Variants in CAST observed in about 807,000 individuals in gnomAD.
CAST encodes the protein MIR583 host.
In CAST, 76 loss-of-function variants were observed where a neutral mutation model predicts 119.6. The ratio of observed to expected loss-of-function variants is 0.64; its 90% CI spans 0.53 to 0.77. The LOEUF is 0.77. CAST is among the 30% of genes least tolerant of loss of function. The probability of loss-of-function intolerance (pLI) is 0.00; values close to 1 mark genes in which losing one functional copy is unlikely to be tolerated. For missense variants in CAST, 953 were observed against 946.5 expected (o/e 1.01, Z -0.09); for synonymous variants, 319 against 331.6 (o/e 0.96, Z 0.41).
chr5:96,641,682 C>T (rs1343288784), intron 1 of CAST, among the ~76,000 whole-genome samples: 1 of 152,176 alleles, frequency 6.6e-6, no homozygotes, highest in Admixed American at 6.5e-5. Context: ...TGGCTCTCCC[C>T]AGTTCCTGCC....
intron 1 of CAST, among the ~76,000 whole-genome samples, chr5:96,530,896 G>A (rs1447495338): frequency 1.3e-5 from 2 of 152,120 alleles, no homozygotes; most frequent in African/African-American, 4.8e-5. Context: ...GGGCTTAGGT[G>A]ATCCTGCCAC....
chr5:96,009,707 G>A, the CAST span, among the ~76,000 whole-genome samples: 1 of 152,086 alleles, frequency 6.6e-6, no homozygotes, highest in Non-Finnish European at 1.5e-5. Context: ...TTTGTTGGAT[G>A]CGTAGTTTGC....
At chr5:96,370,899 T>C in the CAST span, among the ~76,000 whole-genome samples, 1 of 152,210 alleles carries the variant, frequency 6.6e-6, no homozygotes, top group African/African-American at 2.4e-5. Context: ...ATAACTCAAA[T>C]TGGAGAGCTC....
the CAST span, among the ~76,000 whole-genome samples, chr5:96,266,897 A>C: frequency 6.6e-6 from 1 of 152,232 alleles, no homozygotes; most frequent in Non-Finnish European, 1.5e-5. Context: ...TAGCAGTTTT[A>C]AGGAAACTCA....
chr5:96,721,532 T>A (rs1190612949), intron 3 of CAST, among the ~76,000 whole-genome samples: 1 of 152,082 alleles, frequency 6.6e-6, no homozygotes, highest in East Asian at 1.9e-4. Flanking sequence ...GGACCAGGCA[T>A]TAGGGACACA....
the CAST span, among the ~76,000 whole-genome samples, chr5:96,339,494 A>G: frequency 6.6e-6 from 1 of 152,178 alleles, no homozygotes; most frequent in East Asian, 1.9e-4. Context: ...AGAGTGGGAG[A>G]ATTAAGTGAT....
chr5:96,720,559 G>T (rs1488524607), intron 3 of CAST, among the ~76,000 whole-genome samples: 2 of 152,224 alleles, frequency 1.3e-5, no homozygotes, highest in Non-Finnish European at 2.9e-5. Context: ...GCCTTAGTGA[G>T]GGAAGAAAAC....
chr5:96,057,230 C>A, the CAST span, among the ~76,000 whole-genome samples: 1 of 152,068 alleles, frequency 6.6e-6, no homozygotes, highest in East Asian at 1.9e-4. Context: ...GTGGAGAAAC[C>A]TTTAGGCAGA....
At chr5:96,529,239 C>T (rs939247188), upstream of CAST, among the ~76,000 whole-genome samples, 1 of 152,080 alleles carries the variant, frequency 6.6e-6, no homozygotes, top group African/African-American at 2.4e-5. Flanking sequence ...AAGGAAGAAA[C>T]TAAGAGAAAA....
chr5:96,751,211 G>GTT (rs35451901), intron 20 of CAST, among the ~76,000 whole-genome samples: 9 of 151,732 alleles, frequency 5.9e-5, no homozygotes, highest in Non-Finnish European at 1.0e-4. Flanking sequence ...TGATTTTAGT[G>GTT]TTTTTTTTCC....
At chr5:96,038,266 A>T in the CAST span, among the ~76,000 whole-genome samples, 1 of 152,174 alleles carries the variant, frequency 6.6e-6, no homozygotes, top group Non-Finnish European at 1.5e-5. Context: ...GATCAAATAA[A>T]TGAATAAATA....
chr5:96,530,297 A>C (rs1172027941), intron 1 of CAST, among the ~76,000 whole-genome samples: 1 of 152,070 alleles, frequency 6.6e-6, no homozygotes, highest in Non-Finnish European at 1.5e-5. Context: ...GCAAATAGAG[A>C]AGAAAACAGT....
At chr5:96,004,559 TTCAAC>T in the CAST span, among the ~76,000 whole-genome samples, 7 of 152,234 alleles carry the variant, frequency 4.6e-5, no homozygotes, top group African/African-American at 1.7e-4. Context: ...ACTGGATAAC[TTCAAC>T]TCAAGTGATC....
chr5:95,990,026 C>A, the CAST span, among the ~76,000 whole-genome samples: 397 of 152,284 alleles, frequency 2.6e-3, 1 homozygote, highest in Non-Finnish European at 4.1e-3. Context: ...CACTTCTACT[C>A]ACCCTTTGAA....
At chr5:96,726,913 C>A in intron 5 of CAST, 54 bp downstream of exon 5, 1 of 1,227,766 alleles carries the variant, frequency 8.1e-7, no homozygotes, top group Non-Finnish European at 1.2e-6. Flanking sequence ...TTACATCACC[C>A]GCTCAGCATG....
At chr5:96,330,156 A>T in the CAST span, among the ~76,000 whole-genome samples, 1 of 152,334 alleles carries the variant, frequency 6.6e-6, no homozygotes, top group East Asian at 1.9e-4. Flanking sequence ...GTTGAACCAT[A>T]TGAAATTGCT....
At chr5:96,211,485 C>A in the CAST span, among the ~76,000 whole-genome samples, 1 of 151,940 alleles carries the variant, frequency 6.6e-6, no homozygotes, top group Admixed American at 6.6e-5. Context: ...CTGAAATTAG[C>A]CCACTTTGTC....
At chr5:96,361,939 C>G in the CAST span, among the ~76,000 whole-genome samples, 1 of 150,040 alleles carries the variant, frequency 6.7e-6, no homozygotes, top group Admixed American at 6.7e-5. Context: ...CACCCATTAA[C>G]TTGTCATTTA....
chr5:96,311,009 G>A, the CAST span, among the ~76,000 whole-genome samples: 8 of 151,708 alleles, frequency 5.3e-5, no homozygotes, highest in East Asian at 1.4e-3. Context: ...ATTTCCTTGG[G>A]GCACAACATT....
Sources: gnomAD v4.1 joint callset for allele counts (sites outside exome capture counted in the v4.1 genomes callset) on GRCh38, gnomAD v4.1.1 for gene constraint, MANE v1.5 for transcripts, NCBI Gene and HGNC (gene_info 2026-07-23, HGNC 2026-07-21) for gene names.